Variants in DNAJA2 observed in about 807,000 individuals in gnomAD.
DNAJA2 encodes dnaJ homolog subfamily A member 2.
In DNAJA2, 6 loss-of-function variants were observed where a neutral mutation model predicts 49.3. The observed-to-expected ratio is 0.12, with a 90% CI of 0.07 to 0.24. DNAJA2 has a LOEUF of 0.24. Among genes scored for constraint, DNAJA2 ranks in the 10% least tolerant of loss-of-function variants. The pLI is 1.00. For synonymous variants in DNAJA2, 160 were observed against 172.7 expected (o/e 0.93, Z 0.58); for missense variants, 347 against 516.8 (o/e 0.67, Z 3.19).
intron 3 of DNAJA2, among the ~76,000 whole-genome samples, chr16:46,970,603 C>T (rs55657153): frequency 2.0e-5 from 3 of 151,182 alleles, no homozygotes; most frequent in African/African-American, 7.3e-5. Context: ...GGGCATGGTG[C>T]GGGTGCCTGT....
Position 46,968,054 on chromosome 16 carries a change from T to G in DNAJA2, c.443+30A>C. On this transcript the variant is annotated intron_variant, in intron 4 of 8. Coordinates refer to ENST00000317089, the MANE Select transcript of DNAJA2 (RefSeq NM_005880.4). ...GTGATACTTAAAAGAACAGACAAAA[T>G]GTACCCAATAAACCAGAAGACACAC... The G allele has an allele frequency of 2.0e-6, 3 of 1,538,374 alleles. No homozygotes were observed. The South Asian group carries it at 3.6e-5, about 18-fold the overall frequency.
In DNAJA2 at chr16:46,956,781, G is replaced by A. The variant is rs988079271; in HGVS notation, c.*248C>T. On this transcript the variant is annotated 3_prime_UTR_variant, in exon 9 of 9. Coordinates refer to ENST00000317089, the MANE Select transcript of DNAJA2 (RefSeq NM_005880.4). ...GATTGAAACTTATAATAATCCATGT[G>A]TGAAAGGGAGTCTTGTTTCCTTTCA... The A allele has an allele frequency of 2.5e-6, 1 of 396,258 alleles. No individual in the cohort carries two copies. The highest frequency in any genetic ancestry group is 2.1e-5 in the African/African-American group (1 of 47,980). 24.5% of individuals were successfully genotyped at this position (396,258 alleles called of 1,614,324 possible). A position where few individuals can be genotyped will look rare whatever the true frequency, so the allele number is the denominator to read the frequency against.
chr16:46,957,899 C>T (rs532521370), intron 8 of DNAJA2, among the ~76,000 whole-genome samples: 2 of 152,220 alleles, frequency 1.3e-5, no homozygotes, highest in African/African-American at 4.8e-5. Flanking sequence ...CTCATCACCA[C>T]CCACACCGGG....
At chr16:46,971,614 G>C in intron 2 of DNAJA2, 42 bp from the exon 3 acceptor site, 2 of 1,058,602 alleles carry the variant, frequency 1.9e-6, no homozygotes, top group East Asian at 3.9e-5. Flanking sequence ...GCATTTTCAA[G>C]TAGAAGAGTG....
At chr16:46,970,902 T>C (rs1962037399) in intron 3 of DNAJA2, among the ~76,000 whole-genome samples, 3 of 147,994 alleles carry the variant, frequency 2.0e-5, no homozygotes, top group South Asian at 4.3e-4. Flanking sequence ...GCCGGGTGTG[T>C]TGGCATATGC....
rs930869002 is a variant in DNAJA2, at chr16:46,964,231, G to A, written c.774+380C>T. On this transcript the variant is annotated intron_variant, in intron 6 of 8. Transcript: ENST00000317089. ...TCTACTAAAAATAAAAATTAGCCAG[G>A]AGTGAAGAAGCATGCCTGTAGTCCC... 5.3e-5 allele frequency among the ~76,000 whole-genome samples: 8 copies of A among 152,140 alleles called. No individual in the cohort carries two copies. The East Asian group carries it at 5.8e-4, about 11-fold the overall frequency.
intron 8 of DNAJA2, among the ~76,000 whole-genome samples, chr16:46,957,526 C>A (rs1961832574): frequency 6.6e-6 from 1 of 151,912 alleles, no homozygotes; most frequent in South Asian, 2.1e-4. Flanking sequence ...TCGCTTGAAC[C>A]TGGGAGGTGG....
chr16:46,967,977 C>T, intron 4 of DNAJA2, 107 bp downstream of exon 4: 1 of 1,116,812 alleles, frequency 9.0e-7, no homozygotes, highest in Non-Finnish European at 1.3e-6. Flanking sequence ...GCCACCGCAC[C>T]CAGCCGTAAG....
chr16:46,967,572 T>C lies in DNAJA2; in HGVS notation c.518A>G (p.Gln173Arg). The C allele has an allele frequency of 4.3e-6, 7 of 1,614,210 alleles. No homozygotes were observed. Among genetic ancestry groups the C allele is most frequent in the Non-Finnish European group, 5.9e-6 (7 of 1,180,040 alleles). Residue 173 changes from glutamine (Q) to arginine (R), a missense_variant, in exon 5 of 9, where the codon CAG (glutamine) becomes CGG (arginine). Transcript: ENST00000317089. ...RGRGVRIMIR[Q>R]LAPGMVQQMQ... is the part of the protein sequence containing the mutation. ...CTGTTGTACCATCCCTGGAGCCAGC[T>C]GTCTGATCATGATGCGCACACCTCG...
At chr16:46,969,036 G>A (rs1199524520) in intron 3 of DNAJA2, among the ~76,000 whole-genome samples, 1 of 152,160 alleles carries the variant, frequency 6.6e-6, no homozygotes. Flanking sequence ...GACAGAGTGA[G>A]ACAAGTACTT....
At chr16:46,967,685 C>G (rs1961992105) in intron 4 of DNAJA2, 39 bp from the exon 5 acceptor site, 2 of 1,612,926 alleles carry the variant, frequency 1.2e-6, no homozygotes, top group Non-Finnish European at 8.5e-7. Context: ...TTTTTGTCCA[C>G]AAACCACTCC....
intron 3 of DNAJA2, among the ~76,000 whole-genome samples, chr16:46,968,630 C>T (rs1271664328): frequency 6.6e-6 from 1 of 152,168 alleles, no homozygotes; most frequent in African/African-American, 2.4e-5. Flanking sequence ...TCCCTGTTTC[C>T]TCCATGGACA....
chr16:46,972,178 G>A (rs1360119270), intron 1 of DNAJA2: 3 of 487,014 alleles, frequency 6.2e-6, no homozygotes, highest in South Asian at 3.0e-5. Flanking sequence ...TTACAGTGAC[G>A]TGAAAACCAG....
chr16:46,971,281 C>T, intron 3 of DNAJA2, 68 bp downstream of exon 3: 1 of 1,375,276 alleles, frequency 7.3e-7, no homozygotes, highest in Non-Finnish European at 1.0e-6. Context: ...GATTTTTCAT[C>T]TACTGAGTCA....
In DNAJA2 at chr16:46,957,022, G is replaced by T; in HGVS notation, c.*7C>A. Reference sequence around the variant, plus strand: ...GAAAATCCACCTGTGCAATTTGTTTGCAGAGTTTACTGATGGGCACACTGC... The same window carrying T: ...GAAAATCCACCTGTGCAATTTGTTTTCAGAGTTTACTGATGGGCACACTGC... On this transcript the variant is annotated 3_prime_UTR_variant, in exon 9 of 9. Transcript: ENST00000317089. 1 of 1,614,114 alleles carries T rather than the reference G, an allele frequency of 6.2e-7. No homozygotes were observed. Among genetic ancestry groups the T allele is most frequent in the Non-Finnish European group, 8.5e-7 (1 of 1,179,980 alleles).
At position 46,971,939 on chromosome 16, in the gene DNAJA2, G is replaced by A; in HGVS notation, c.95C>T (p.Ala32Val). 6.2e-7 allele frequency: 1 copy of A among 1,612,374 alleles called. No homozygotes were observed. The highest frequency in any genetic ancestry group is 8.5e-7 in the Non-Finnish European group (1 of 1,178,820). The change falls in exon 2 of 9, where the codon GCC becomes GTC. Residue 32 changes from alanine to valine, a missense_variant. Transcript: ENST00000317089. ...ATTCTTATCAGGATGATATTCCTTGGCTAACTTTCTGTATGCCTTTGAAAA... is the reference window on the plus strand; with the variant it reads ...ATTCTTATCAGGATGATATTCCTTGACTAACTTTCTGTATGCCTTTGAAAA... ...NELKKAYRKLAKEYHPDKNPN... is the reference protein window; with the variant it reads ...NELKKAYRKLVKEYHPDKNPN...
Position 46,971,536 on chromosome 16 carries a change from T to G in DNAJA2, c.175A>C (p.Asn59His), listed in dbSNP as rs1962048120. The G allele has an allele frequency of 6.2e-7, 1 of 1,600,826 alleles. No homozygotes were observed. The highest frequency in any genetic ancestry group is 8.5e-7 in the Non-Finnish European group (1 of 1,176,590). The change falls in exon 3 of 9, where the codon AAT (asparagine) becomes CAT (histidine). Residue 59 changes from asparagine to histidine, a missense_variant. Physicochemically the swap from Asn to His is moderately conservative, Grantham distance 68. Transcript: ENST00000317089. ...EISFAYEVLS[N>H]PEKRELYDRY... ...TCATATAACTCACGCTTCTCAGGAT[T>G]TGATAGTACTTCATATGCAAAACTT...
intron 6 of DNAJA2, among the ~76,000 whole-genome samples, chr16:46,963,754 A>C (rs1486602220): frequency 6.6e-6 from 1 of 152,090 alleles, no homozygotes; most frequent in Non-Finnish European, 1.5e-5. Flanking sequence ...GAAGCTTCTA[A>C]AAAAATATTT....
At chr16:46,965,758 G>C (rs1057331484) in intron 5 of DNAJA2, among the ~76,000 whole-genome samples, 1 of 150,958 alleles carries the variant, frequency 6.6e-6, no homozygotes, top group Non-Finnish European at 1.5e-5. Flanking sequence ...TTGAACCAGG[G>C]AGGCAGAGGC....
Sources: allele counts gnomAD v4.1 joint callset (sites outside exome capture counted in the v4.1 genomes callset), GRCh38; gene constraint gnomAD v4.1.1; transcripts MANE v1.5; gene names NCBI Gene and HGNC (gene_info 2026-07-23, HGNC 2026-07-21).